Variants in INF2 observed in about 807,000 individuals in gnomAD.
INF2 encodes the protein inverted formin-2.
In INF2, 43 loss-of-function variants were observed where a neutral mutation model predicts 123.5. The observed-to-expected ratio is 0.35, with a 90% CI of 0.27 to 0.45. INF2 has a LOEUF of 0.45. Among genes scored for constraint, INF2 ranks in the 20% least tolerant of loss-of-function variants. The pLI is 1.00. For missense variants in INF2, 1,453 were observed against 1,682.7 expected, an observed-to-expected ratio of 0.86 and a Z score of 2.39; for synonymous variants, 851 against 745.0, an observed-to-expected ratio of 1.14 and a Z score of -2.32.
At chr14:104,709,556 G>A (rs778638319) in intron 11 of INF2, 64 bp from the exon 12 acceptor site, 19 of 1,472,536 alleles carry the variant, frequency 1.3e-5, no homozygotes, top group South Asian at 3.4e-5. Flanking sequence ...TGAGCCCGGC[G>A]GGCAGTCCGG....
chr14:104,722,160 G>A lies in INF2; in HGVS notation c.*3367G>A, dbSNP rs567945932. On this transcript the variant is annotated 3_prime_UTR_variant, in exon 23 of 23. Coordinates refer to ENST00000392634, the MANE Select transcript of INF2 (RefSeq NM_022489.4). ...GTGGAGGTGTTCTAATTCGGGCTGA[G>A]CCGTGTGACTGGCAGGGGCCCCAGC... The A allele has an allele frequency of 6.6e-6, 1 of 152,438 alleles. No homozygotes were observed. Among genetic ancestry groups the A allele is most frequent in the Non-Finnish European group, 1.5e-5 (1 of 68,086 alleles). The allele number at this position is 152,438 out of a possible 1,614,324, so 9.4% of individuals were successfully genotyped here.
chr14:104,714,948 C>A (rs1271529451), intron 21 of INF2, 92 bp downstream of exon 21: 11 of 1,323,770 alleles, frequency 8.3e-6, no homozygotes, highest in Admixed American at 2.9e-5. Flanking sequence ...CTGCAAGTTC[C>A]AGCGGCACCC....
intron 20 of INF2, among the ~76,000 whole-genome samples, 154 bp from the exon 21 acceptor site, chr14:104,714,049 G>A (rs1402184690): frequency 2.0e-5 from 3 of 152,200 alleles, no homozygotes; most frequent in Non-Finnish European, 4.4e-5. Context: ...GACCAAGGAC[G>A]CTGAGGCCGG....
At chr14:104,716,541 G>A (rs1890306063) in intron 22 of INF2, among the ~76,000 whole-genome samples, 1 of 152,220 alleles carries the variant, frequency 6.6e-6, no homozygotes, top group Non-Finnish European at 1.5e-5. Flanking sequence ...CAATGGTCCA[G>A]TGAAAGATGG....
chr14:104,699,567 G>A lies in INF2; in HGVS notation c.-9-1790G>A. 1.0e-6 allele frequency: 1 copy of A among 985,238 alleles called. No homozygotes were observed. The highest frequency in any genetic ancestry group is 1.7e-5 in the African/African-American group (1 of 57,282). The allele number at this position is 985,238 out of a possible 1,614,324, so 61.0% of individuals were successfully genotyped here. On this transcript the variant is annotated intron_variant, in intron 1 of 22. Coordinates refer to ENST00000392634, the MANE Select transcript of INF2 (RefSeq NM_022489.4). The surrounding 1 kb of genome is among the most constrained non-coding windows in gnomAD (Gnocchi z 4.7). ...CCAGGACAGGGCCCAGAGTGGGTGGGCAGAGGTGGCCGGAAGGTCTTGCGC... is the reference window on the plus strand; with the variant it reads ...CCAGGACAGGGCCCAGAGTGGGTGGACAGAGGTGGCCGGAAGGTCTTGCGC...
Position 104,701,117 on chromosome 14 carries a change from G to T in INF2, c.-9-240G>T, listed in dbSNP as rs556761581. Reference sequence around the variant, plus strand: ...CAGCCCTGAGCCTCGGGGTCCTCATGCGCGCAGTAGGGCCCTTCCTGCCTG... The same window carrying T: ...CAGCCCTGAGCCTCGGGGTCCTCATTCGCGCAGTAGGGCCCTTCCTGCCTG... On this transcript the variant is annotated intron_variant, in intron 1 of 22. Transcript: ENST00000392634. 2.5e-3 allele frequency among the ~76,000 whole-genome samples: 375 copies of T among 152,266 alleles called. 1 individual carries two copies. The highest frequency in any genetic ancestry group is 8.7e-3 in the African/African-American group (362 of 41,534).
chr14:104,712,713 A>G (rs1890109933), intron 17 of INF2, 115 bp from the exon 18 acceptor site: 1 of 1,463,592 alleles, frequency 6.8e-7, no homozygotes, highest in Admixed American at 2.1e-5. Context: ...CTTGTCAGAG[A>G]CCACCGTCCT....
Position 104,712,496 on chromosome 14 carries a change from G to A in INF2, c.2553G>A (p.Glu851=), listed in dbSNP as rs368901958. 3.4e-5 allele frequency: 55 copies of A among 1,612,608 alleles called. No individual in the cohort carries two copies. Among genetic ancestry groups the A allele is most frequent in the Non-Finnish European group, 4.3e-5 (51 of 1,179,850 alleles). Residue 851 remains glutamate (E), a synonymous_variant, in exon 17 of 23, where the codon GAG becomes GAA. Coordinates refer to ENST00000392634, the MANE Select transcript of INF2 (RefSeq NM_022489.4). ...SSNLKKLLET[E]RKVSASVAEV... ...ACCTGAAGAAGCTTCTGGAGACCGA[G>A]CGGAAGGTGTCTGCCTCCGTGGCCG...
rs764738599 is a variant in INF2 at position 104,714,673 on chromosome 14, G to A, written c.3511G>A (p.Asp1171Asn). The change falls in exon 21 of 23, where the codon GAT becomes AAT. Residue 1171 changes from aspartate (D) to asparagine (N), a missense_variant. By Grantham distance (23) the Asp-to-Asn change is conservative. This residue lies in a region of INF2 where 344 missense variants were observed against 333.1 expected (regional missense o/e 1.03). Coordinates refer to ENST00000392634, the MANE Select transcript of INF2 (RefSeq NM_022489.4). ...ACCCCCTGCAGCAGGCCCAGGTGGG[G>A]ATGAGGACGAGGACGAGGAGGACAC... is the stretch of plus-strand genomic sequence containing the variant. ...ARPPAAGPGG[D>N]EDEDEEDTAP... 5 of 1,612,238 alleles carry A rather than the reference G, an allele frequency of 3.1e-6. No homozygotes were observed. In the South Asian group the frequency reaches 4.4e-5, roughly 14 times the overall value.
chr14:104,692,918 GC>G (rs947142231), intron 1 of INF2, among the ~76,000 whole-genome samples: 2 of 152,260 alleles, frequency 1.3e-5, no homozygotes, highest in Admixed American at 1.3e-4. Context: ...AGCCTGGGCT[GC>G]CCCGAGCCTC....
At position 104,713,435 on chromosome 14, in the gene INF2, C is replaced by T. The variant is rs534732317; in HGVS notation, c.2879-10C>T. 48 of 1,608,036 alleles carry T rather than the reference C, an allele frequency of 3.0e-5. No homozygotes were observed. The Admixed American group carries it at 3.2e-4, about 11-fold the overall frequency. ...CCCATGCCGCTCTCTGAGTGCCCCA[C>T]GCTCCTCAGTCAGGAAGGGGCCCGG... On this transcript the variant is annotated splice_polypyrimidine_tract_variant and intron_variant, in intron 19 of 22. Coordinates refer to ENST00000392634, the MANE Select transcript of INF2 (RefSeq NM_022489.4).
chr14:104,703,040 C>G, intron 2 of INF2, 65 bp from the exon 3 acceptor site: 5 of 1,348,460 alleles, frequency 3.7e-6, no homozygotes, highest in Non-Finnish European at 4.2e-6. Context: ...AGCCCTGAGC[C>G]CAGCTGCACA....
chr14:104,715,686 G>A (rs2140705584), intron 22 of INF2: 1 of 543,714 alleles, frequency 1.8e-6, no homozygotes. Flanking sequence ...CTGGCTGGCA[G>A]GACAGGCTGA....
Position 104,708,483 on chromosome 14 carries a change from G to A in INF2, c.1783G>A (p.Val595Met), listed in dbSNP as rs1595172475. The A allele has an allele frequency of 6.2e-7, 1 of 1,612,416 alleles. No individual in the cohort carries two copies. Among genetic ancestry groups the A allele is most frequent in the African/African-American group, 1.3e-5 (1 of 74,932 alleles). Residue 595 changes from valine (V) to methionine (M), a missense_variant, in exon 9 of 23, where the codon GTG becomes ATG. By Grantham distance (21) the Val-to-Met change is conservative. Transcript: ENST00000392634. ...ASLSSPDAEA[V>M]EPDFSSIERL... ...CCTGAGCAGCCCCGACGCCGAGGCT[G>A]TGGAGCCCGACTTCTCCAGCATCGA...
At chr14:104,701,058 G>T (rs974468230) in intron 1 of INF2, among the ~76,000 whole-genome samples, 1 of 152,142 alleles carries the variant, frequency 6.6e-6, no homozygotes, top group African/African-American at 2.4e-5. Context: ...TGCTGGCCTC[G>T]TGCTGCAGGT....
At chr14:104,713,729 CCTAAGACTGGGGACAGCCG>C in intron 20 of INF2, 123 bp downstream of exon 20, 1 of 1,122,308 alleles carries the variant, frequency 8.9e-7, no homozygotes, top group Non-Finnish European at 1.3e-6. Flanking sequence ...CCTGGAGGCC[CCTAAGACTGGGGACAGCCG>C]AGGGGACAGG....
upstream of INF2, among the ~76,000 whole-genome samples, chr14:104,685,841 T>G (rs1595146478): frequency 8.0e-6 from 1 of 125,690 alleles, no homozygotes; most frequent in African/African-American, 3.1e-5. Context: ...GGCCGATGGG[T>G]AAGTGGATGG....
chr14:104,694,052 T>C (rs1396082469), intron 1 of INF2, among the ~76,000 whole-genome samples: 1 of 152,184 alleles, frequency 6.6e-6, no homozygotes, highest in Admixed American at 6.5e-5. Context: ...TATGCTTCCA[T>C]GTGCAGAGGG....
chr14:104,705,470 G>T (rs1169688232), intron 5 of INF2, among the ~76,000 whole-genome samples: 2 of 151,948 alleles, frequency 1.3e-5, no homozygotes, highest in Non-Finnish European at 2.9e-5. Context: ...GGGTGCCTGT[G>T]CCCCACCAGT....
Sources: allele counts gnomAD v4.1 joint callset (sites outside exome capture counted in the v4.1 genomes callset), GRCh38; gene constraint gnomAD v4.1.1; regional missense constraint gnomAD v4.1.1; non-coding constraint Gnocchi (gnomAD v3.1); transcripts MANE v1.5; gene names NCBI Gene and HGNC (gene_info 2026-07-23, HGNC 2026-07-21).